DAB1: variants seen among roughly 807,000 people sequenced by gnomAD.
The protein encoded by DAB1 is DAB adaptor protein 1.
A neutral mutation model predicts 64.6 loss-of-function variants in DAB1; 15 were observed. The observed-to-expected ratio is 0.23, with a 90% confidence interval of 0.16 to 0.36. The LOEUF is 0.36. DAB1 is among the 10% of genes least tolerant of loss of function. The pLI is 1.00. For synonymous variants in DAB1, 235 were observed against 251.9 expected, an observed-to-expected ratio of 0.93 and a Z score of 0.64; for missense variants, 596 against 706.7, an observed-to-expected ratio of 0.84 and a Z score of 1.78.
At chr1:58,473,038 A>G (rs1181530697) in intron 3 of DAB1, among the ~76,000 whole-genome samples, 1 of 152,174 alleles carries the variant, frequency 6.6e-6, no homozygotes, top group African/African-American at 2.4e-5. Flanking sequence ...GGTCCCAGGA[A>G]AACAAAGTAA....
At chr1:57,029,368 G>C (rs548913516) in intron 9 of DAB1, among the ~76,000 whole-genome samples, 2 of 152,216 alleles carry the variant, frequency 1.3e-5, no homozygotes, top group African/African-American at 2.4e-5. Flanking sequence ...GCAAGGACAG[G>C]GCCCTCAGGA....
chr1:58,432,893 C>A (rs547648644), intron 3 of DAB1, among the ~76,000 whole-genome samples: 3 of 152,372 alleles, frequency 2.0e-5, no homozygotes, highest in South Asian at 2.1e-4. Context: ...GCCCTCCCCC[C>A]AGCCCCCTTC....
intron 4 of DAB1, among the ~76,000 whole-genome samples, chr1:57,087,909 T>G (rs2100649203): frequency 6.6e-6 from 1 of 152,294 alleles, no homozygotes; most frequent in South Asian, 2.1e-4. Context: ...GCAGAGCTGG[T>G]GCAGGGATCA....
At chr1:57,741,506 C>T (rs569668720) in intron 6 of DAB1, among the ~76,000 whole-genome samples, 1 of 152,142 alleles carries the variant, frequency 6.6e-6, no homozygotes, top group African/African-American at 2.4e-5. Flanking sequence ...TACCATACTG[C>T]CTCTCAAAGT....
intron 7 of DAB1, among the ~76,000 whole-genome samples, chr1:57,548,230 T>C (rs775117531): frequency 3.3e-5 from 5 of 152,180 alleles, no homozygotes; most frequent in Non-Finnish European, 7.3e-5. Flanking sequence ...ATCACCTCAT[T>C]TATTCCTTAC....
intron 4 of DAB1, among the ~76,000 whole-genome samples, chr1:57,081,043 C>T (rs573382390): frequency 6.6e-6 from 1 of 152,126 alleles, no homozygotes; most frequent in South Asian, 2.1e-4. Context: ...TTGGGAGCTC[C>T]TTATTTTACT....
intron 1 of DAB1, among the ~76,000 whole-genome samples, chr1:57,302,735 CT>C (rs1354474418): frequency 6.6e-6 from 1 of 152,128 alleles, no homozygotes; most frequent in East Asian, 1.9e-4. Flanking sequence ...TCCCAAGTAG[CT>C]GGAACTACAG....
intron 7 of DAB1, among the ~76,000 whole-genome samples, chr1:57,569,750 A>T (rs1297939305): frequency 6.6e-6 from 1 of 151,460 alleles, no homozygotes; most frequent in Admixed American, 6.6e-5. Context: ...GTATACTAAT[A>T]AAAAAAAAGA....
Position 57,700,638 on chromosome 1 carries a change from A to G in DAB1, n.552-50973T>C, listed in dbSNP as rs548220102. On this transcript the variant is annotated intron_variant and non_coding_transcript_variant, in intron 6 of 20. Transcript: ENST00000485760. ...CTTCTCTTTGTCCTCGATCTTTGAG[A>G]CTTTTATTTTTATATGCCTTGAGTA... 2.6e-4 allele frequency among the ~76,000 whole-genome samples: 40 copies of G among 152,080 alleles called. No individual in the cohort carries two copies. The South Asian group carries it at 7.9e-3, about 30-fold the overall frequency.
intron 6 of DAB1, among the ~76,000 whole-genome samples, chr1:57,741,998 C>T (rs1648017562): frequency 6.6e-6 from 1 of 152,154 alleles, no homozygotes; most frequent in South Asian, 2.1e-4. Context: ...CTCTAAGAGG[C>T]CCATGGGGGT....
intron 1 of DAB1, among the ~76,000 whole-genome samples, chr1:57,364,688 T>C (rs1281766629): frequency 6.6e-6 from 1 of 151,890 alleles, no homozygotes; most frequent in Admixed American, 6.6e-5. Flanking sequence ...ATATATACAC[T>C]CTTAGAAGGG....
intron 1 of DAB1, among the ~76,000 whole-genome samples, chr1:57,313,381 T>A (rs529273489): frequency 6.6e-6 from 1 of 152,318 alleles, no homozygotes; most frequent in African/African-American, 2.4e-5. Context: ...GTTAAAAAAA[T>A]TATATTCAAT....
At chr1:58,481,423 T>C (rs1645480690) in intron 3 of DAB1, among the ~76,000 whole-genome samples, 1 of 152,190 alleles carries the variant, frequency 6.6e-6, no homozygotes, top group African/African-American at 2.4e-5. Flanking sequence ...CTGTAACAAC[T>C]GCCCTAATGC....
intron 7 of DAB1, among the ~76,000 whole-genome samples, chr1:57,433,839 T>C (rs1379101943): frequency 6.7e-6 from 1 of 150,110 alleles, no homozygotes; most frequent in East Asian, 1.9e-4. Flanking sequence ...ACGGAAGACT[T>C]TGACAGCTCA....
At chr1:58,446,288 T>A (rs1208355737) in intron 3 of DAB1, among the ~76,000 whole-genome samples, 1 of 152,222 alleles carries the variant, frequency 6.6e-6, no homozygotes, top group Non-Finnish European at 1.5e-5. Flanking sequence ...AATATATCTT[T>A]CTCTAATAAA....
chr1:58,097,699 C>T (rs1651069739), intron 5 of DAB1, among the ~76,000 whole-genome samples: 1 of 152,258 alleles, frequency 6.6e-6, no homozygotes, highest in Non-Finnish European at 1.5e-5. Context: ...GGTAGAGTTC[C>T]GAGGTAGGGG....
intron 2 of DAB1, among the ~76,000 whole-genome samples, chr1:57,216,120 T>C (rs1456405040): frequency 6.6e-6 from 1 of 152,096 alleles, no homozygotes; most frequent in East Asian, 1.9e-4. Flanking sequence ...ACCACTTAAG[T>C]TGCTACTCAG....
intron 4 of DAB1, among the ~76,000 whole-genome samples, chr1:58,235,906 A>G (rs879758415): frequency 2.6e-5 from 4 of 152,214 alleles, no homozygotes; most frequent in Non-Finnish European, 5.9e-5. Flanking sequence ...GGAGGCCATA[A>G]GATCAGGTCA....
chr1:57,172,925 T>A (rs536881932), intron 2 of DAB1, among the ~76,000 whole-genome samples: 1 of 152,312 alleles, frequency 6.6e-6, no homozygotes, highest in African/African-American at 2.4e-5. Context: ...CTGTATTTAA[T>A]CACCCAGTCC....
Sources: allele counts gnomAD v4.1 joint callset (sites outside exome capture counted in the v4.1 genomes callset), GRCh38; gene constraint gnomAD v4.1.1; transcripts MANE v1.5; gene names NCBI Gene and HGNC (gene_info 2026-07-23, HGNC 2026-07-21).